ADAMTSL1: variants seen among roughly 807,000 people sequenced by gnomAD.
ADAMTSL1 encodes the protein ADAMTS-like protein 1.
Under a neutral mutation model 201.8 loss-of-function variants are expected in ADAMTSL1, and 126 were observed. That is an observed-to-expected ratio of 0.62 (90% CI 0.54 to 0.72). ADAMTSL1 has a LOEUF of 0.72. ADAMTSL1 is among the 30% of genes least tolerant of loss of function. The probability of loss-of-function intolerance (pLI) is 0.00; values close to 1 mark genes in which losing one functional copy is unlikely to be tolerated. For synonymous variants in ADAMTSL1, 1,121 were observed against 903.4 expected (o/e 1.24, Z -4.32); for missense variants, 2,679 against 2,277.8 (o/e 1.18, Z -3.59).
chr9:18,567,784 T>C (rs1822014874), intron 3 of ADAMTSL1, among the ~76,000 whole-genome samples: 1 of 151,936 alleles, frequency 6.6e-6, no homozygotes, highest in Non-Finnish European at 1.5e-5. Flanking sequence ...TAAGAAAATA[T>C]AGATAATTTC....
chr9:18,616,306 T>C (rs1825697866), intron 4 of ADAMTSL1, among the ~76,000 whole-genome samples: 1 of 152,212 alleles, frequency 6.6e-6, no homozygotes, highest in African/African-American at 2.4e-5. Context: ...ATTACAGGCA[T>C]AAGCCACCAC....
chr9:18,727,043 A>G (rs1427175112), intron 15 of ADAMTSL1, among the ~76,000 whole-genome samples: 1 of 152,226 alleles, frequency 6.6e-6, no homozygotes, highest in Non-Finnish European at 1.5e-5. Flanking sequence ...TTAAAAGCAT[A>G]CTTCAGAATG....
chr9:18,467,404 C>A (rs1380594260), intron 2 of ADAMTSL1, among the ~76,000 whole-genome samples: 2 of 152,132 alleles, frequency 1.3e-5, no homozygotes, highest in Non-Finnish European at 2.9e-5. Flanking sequence ...TGATCAGTAA[C>A]TCTTTGACAG....
intron 2 of ADAMTSL1, among the ~76,000 whole-genome samples, chr9:18,325,558 C>G (rs1321959353): frequency 1.3e-5 from 2 of 152,176 alleles, no homozygotes; most frequent in Non-Finnish European, 2.9e-5. Flanking sequence ...CAACATACCA[C>G]AGACTGAGTA....
chr9:18,863,409 T>C (rs1045021013), intron 23 of ADAMTSL1, among the ~76,000 whole-genome samples: 3 of 152,164 alleles, frequency 2.0e-5, no homozygotes, highest in Non-Finnish European at 2.9e-5. Context: ...AAGAGACATT[T>C]GGGGAATGGA....
intron 2 of ADAMTSL1, among the ~76,000 whole-genome samples, chr9:18,267,097 G>A (rs1490419894): frequency 6.6e-6 from 1 of 152,092 alleles, no homozygotes; most frequent in Non-Finnish European, 1.5e-5. Context: ...AATTGCAGTG[G>A]CATTTAGCAG....
intron 23 of ADAMTSL1, among the ~76,000 whole-genome samples, chr9:18,861,170 CA>C (rs2131416676): frequency 6.6e-6 from 1 of 152,152 alleles, no homozygotes; most frequent in African/African-American, 2.4e-5. Context: ...CCTCATTATA[CA>C]GAGATCATAT....
chr9:18,634,655 T>G (rs1465136508), intron 5 of ADAMTSL1, among the ~76,000 whole-genome samples: 3 of 151,324 alleles, frequency 2.0e-5, no homozygotes, highest in African/African-American at 7.3e-5. Flanking sequence ...CTGGCCAATA[T>G]AGTGAAACCC....
chr9:18,847,701 C>T lies in ADAMTSL1; in HGVS notation c.4249+17724C>T, dbSNP rs117597083. On this transcript the variant is annotated intron_variant, in intron 23 of 28. Transcript: ENST00000380548. ...ATCCCAGGCACAGGAAGAATGAGTGCGGAGTTCCGCCTGCATGAAACGTGC... is the reference window on the plus strand; with the variant it reads ...ATCCCAGGCACAGGAAGAATGAGTGTGGAGTTCCGCCTGCATGAAACGTGC... Among the ~76,000 whole-genome samples, 531 of 152,254 alleles carry T rather than the reference C, an allele frequency of 3.5e-3. 1 individual carries two copies. The highest frequency in any genetic ancestry group is 6.4e-3 in the Non-Finnish European group (438 of 68,026).
intron 23 of ADAMTSL1, among the ~76,000 whole-genome samples, chr9:18,854,566 T>C (rs545078212): frequency 6.6e-5 from 10 of 152,326 alleles, no homozygotes; most frequent in African/African-American, 1.9e-4. Context: ...ATCAAGTTTA[T>C]TTCTTGACTA....
intron 2 of ADAMTSL1, among the ~76,000 whole-genome samples, chr9:18,323,601 A>G (rs986673165): frequency 1.2e-4 from 19 of 152,186 alleles, no homozygotes; most frequent in Non-Finnish European, 2.5e-4. Flanking sequence ...GCATGGCTTT[A>G]TTGTCCTAAA....
chr9:17,952,724 A>G (rs1378156912), intron 1 of ADAMTSL1, among the ~76,000 whole-genome samples: 1 of 152,064 alleles, frequency 6.6e-6, no homozygotes, highest in Non-Finnish European at 1.5e-5. Flanking sequence ...GCGGGGTTTC[A>G]CCACGTTGGC....
At chr9:18,421,375 T>C (rs1818940061) in intron 2 of ADAMTSL1, among the ~76,000 whole-genome samples, 1 of 152,186 alleles carries the variant, frequency 6.6e-6, no homozygotes, top group South Asian at 2.1e-4. Context: ...ATTATCATTC[T>C]TTTCTTACAG....
intron 1 of ADAMTSL1, among the ~76,000 whole-genome samples, chr9:18,109,529 G>T (rs75742669): frequency 0.015 from 2,352 of 152,234 alleles, 58 homozygotes; most frequent in African/African-American, 0.054. Flanking sequence ...TTTCCTGAGG[G>T]CAAATTTAAG....
At chr9:18,628,202 T>A (rs1826519879) in intron 5 of ADAMTSL1, among the ~76,000 whole-genome samples, 1 of 152,022 alleles carries the variant, frequency 6.6e-6, no homozygotes, top group Admixed American at 6.6e-5. Flanking sequence ...TTTCTCCGTG[T>A]TTTCTTGCAG....
At chr9:18,451,349 G>A (rs1029535575) in intron 2 of ADAMTSL1, among the ~76,000 whole-genome samples, 6 of 152,130 alleles carry the variant, frequency 3.9e-5, no homozygotes, top group African/African-American at 1.2e-4. Flanking sequence ...CTTATAATTA[G>A]TTTAGAAGTG....
chr9:18,467,278 G>T (rs1008666492), intron 2 of ADAMTSL1, among the ~76,000 whole-genome samples: 5 of 152,108 alleles, frequency 3.3e-5, no homozygotes, highest in African/African-American at 9.7e-5. Flanking sequence ...TTGCTACTTA[G>T]ATTGGTTAAA....
intron 2 of ADAMTSL1, among the ~76,000 whole-genome samples, chr9:18,518,871 C>A (rs967084664): frequency 6.6e-6 from 1 of 152,104 alleles, no homozygotes; most frequent in Admixed American, 6.5e-5. Context: ...TGATACCTGG[C>A]TAATTTTTGT....
At chr9:18,086,023 C>T (rs775256465) in intron 1 of ADAMTSL1, among the ~76,000 whole-genome samples, 111 of 151,958 alleles carry the variant, frequency 7.3e-4, no homozygotes, top group Non-Finnish European at 1.1e-3. Flanking sequence ...GTGTAAGAGT[C>T]GAGGAAGACT....
Sources: allele counts gnomAD v4.1 joint callset (sites outside exome capture counted in the v4.1 genomes callset), GRCh38; gene constraint gnomAD v4.1.1; transcripts MANE v1.5; gene names NCBI Gene and HGNC (gene_info 2026-07-23, HGNC 2026-07-21).